The following CTPS1 variants were observed in gnomAD, a reference collection of about 807,000 sequenced individuals.
CTPS1 encodes the protein CTP synthase 1, also known as CTP synthetase 1.
Under a neutral mutation model 80.5 loss-of-function variants are expected in CTPS1, and 25 were observed. The observed-to-expected ratio is 0.31, with a 90% CI of 0.23 to 0.43. The LOEUF (loss-of-function observed/expected upper bound fraction) is 0.43. CTPS1 is among the 20% of genes least tolerant of loss of function. The probability of loss-of-function intolerance (pLI) is 1.00; values close to 1 mark genes in which losing one functional copy is unlikely to be tolerated. For synonymous variants in CTPS1, 267 were observed against 252.5 expected (o/e 1.06, Z -0.54); for missense variants, 442 against 725.7 (o/e 0.61, Z 4.49).
chr1:41,003,440 C>T (rs563141734), intron 12 of CTPS1, among the ~76,000 whole-genome samples: 41 of 152,152 alleles, frequency 2.7e-4, no homozygotes, highest in Non-Finnish European at 3.8e-4. Context: ...CTTTGATCAC[C>T]GTGGCCACCA....
At chr1:40,981,909 G>A in intron 1 of CTPS1, 1 of 1,144,102 alleles carries the variant, frequency 8.7e-7, no homozygotes, top group African/African-American at 1.6e-5. Context: ...CAACTCCTTA[G>A]TTTTCTTGTT....
intron 9 of CTPS1, 59 bp downstream of exon 9, chr1:40,997,585 G>C (rs376533615): frequency 6.4e-7 from 1 of 1,571,288 alleles, no homozygotes; most frequent in Non-Finnish European, 8.6e-7. Context: ...CTGTAGTCTC[G>C]TAGGTGCTGT....
At chr1:40,981,423 G>A (rs1651892141) in intron 1 of CTPS1, among the ~76,000 whole-genome samples, 2 of 152,208 alleles carry the variant, frequency 1.3e-5, no homozygotes, top group South Asian at 4.1e-4. Context: ...ATCTTTTGTA[G>A]AAGTAACTCA....
At chr1:40,991,331 C>T (rs554721789) in intron 6 of CTPS1, 83 bp downstream of exon 6, 2 of 1,088,716 alleles carry the variant, frequency 1.8e-6, no homozygotes, top group African/African-American at 3.2e-5. Flanking sequence ...AGACCTTTGT[C>T]TTGTTGGGTT....
At position 41,012,503 on chromosome 1, in the gene CTPS1, A is replaced by G. The variant is rs1464807493; in HGVS notation, c.*855A>G. The G allele has an allele frequency of 6.6e-6, 1 of 152,220 alleles. No individual in the cohort carries two copies. Among genetic ancestry groups the G allele is most frequent in the Non-Finnish European group, 1.5e-5 (1 of 68,034 alleles). 9.4% of individuals were successfully genotyped at this position (152,220 alleles called of 1,614,324 possible). Reference sequence around the variant, plus strand: ...AATAGGCATAGCTACGTGGCACTATATTCTGGCCAGACTCGATGTGTACTC... The same window carrying G: ...AATAGGCATAGCTACGTGGCACTATGTTCTGGCCAGACTCGATGTGTACTC... On this transcript the variant is annotated 3_prime_UTR_variant, in exon 19 of 19. Coordinates refer to ENST00000650070, the MANE Select transcript of CTPS1 (RefSeq NM_001905.4).
At chr1:41,000,846 TAAAAAATGTTTAAGTTATTA>T (rs1365785890) in intron 9 of CTPS1, 163 bp from the exon 10 acceptor site, 3 of 333,196 alleles carry the variant, frequency 9.0e-6, no homozygotes, top group African/African-American at 6.5e-5. Flanking sequence ...ACCTCATATT[TAAAAAATGTTTAAGTTATTA>T]AATATATTAA....
intron 7 of CTPS1, among the ~76,000 whole-genome samples, chr1:40,992,885 G>C (rs899430332): frequency 2.0e-5 from 3 of 151,534 alleles, no homozygotes; most frequent in Middle Eastern, 6.8e-3. Flanking sequence ...GTAGAGATGG[G>C]GTTTCATTAT....
At chr1:40,982,785 G>T (rs373721759) in intron 1 of CTPS1, among the ~76,000 whole-genome samples, 1 of 152,194 alleles carries the variant, frequency 6.6e-6, no homozygotes. Flanking sequence ...GTAACCTAGA[G>T]GAGCTGTGTT....
At position 40,997,268 on chromosome 1, in the gene CTPS1, A is replaced by T. The variant is rs576536337; in HGVS notation, c.873-126A>T. The T allele has an allele frequency of 7.1e-5, 83 of 1,162,544 alleles. No individual in the cohort carries two copies. In the Middle Eastern group the frequency reaches 1.2e-3, roughly 17 times the overall value. The allele number at this position is 1,162,544 out of a possible 1,614,324, so 72.0% of individuals were successfully genotyped here. ...CTCAGCCTTTCAAAGTGCTGGGATT[A>T]TAGGATTATGGGCGTGAGCTCATCC... is the stretch of plus-strand genomic sequence containing the variant. On this transcript the variant is annotated intron_variant, in intron 8 of 18. Coordinates refer to ENST00000650070, the MANE Select transcript of CTPS1 (RefSeq NM_001905.4).
chr1:41,008,531 C>A, intron 14 of CTPS1, 128 bp from the exon 15 acceptor site: 1 of 927,646 alleles, frequency 1.1e-6, no homozygotes, highest in Non-Finnish European at 1.7e-6. Flanking sequence ...TTAGCAGATT[C>A]ATAGAAATAG....
At chr1:40,989,356 G>A (rs1642542932) in intron 5 of CTPS1, among the ~76,000 whole-genome samples, 3 of 152,314 alleles carry the variant, frequency 2.0e-5, no homozygotes, top group Non-Finnish European at 2.9e-5. Flanking sequence ...CAAACATGGG[G>A]TTATGTGTAA....
At chr1:41,005,560 T>C (rs1643012865) in intron 12 of CTPS1, among the ~76,000 whole-genome samples, 1 of 152,216 alleles carries the variant, frequency 6.6e-6, no homozygotes, top group Admixed American at 6.5e-5. Context: ...CAGAGAGTTA[T>C]ACTTAACGTA....
chr1:40,986,194 T>G lies in CTPS1; in HGVS notation c.338-1178T>G, dbSNP rs532289039. Among the ~76,000 whole-genome samples, 3 of 151,558 alleles carry G rather than the reference T, an allele frequency of 2.0e-5. No individual in the cohort carries two copies. In the South Asian group the frequency reaches 6.3e-4, roughly 32 times the overall value. On this transcript the variant is annotated intron_variant, in intron 3 of 18. Transcript: ENST00000650070. Reference sequence around the variant, plus strand: ...GAAGCTGTGAAGAAACCAAGTGGAGTGAGGACAGAGTGACTGGGGAAAGCC... The same window carrying G: ...GAAGCTGTGAAGAAACCAAGTGGAGGGAGGACAGAGTGACTGGGGAAAGCC...
intron 5 of CTPS1, 33 bp downstream of exon 5, chr1:40,988,743 G>C (rs754192380): frequency 3.2e-5 from 46 of 1,421,676 alleles, no homozygotes; most frequent in Admixed American, 1.7e-5. Context: ...TACTTTGGGG[G>C]AGATGGAGAG....
At chr1:41,000,898 A>G (rs535344036) in intron 9 of CTPS1, 131 bp from the exon 10 acceptor site, 16 of 526,810 alleles carry the variant, frequency 3.0e-5, no homozygotes, top group Admixed American at 1.5e-4. Context: ...TAAAGCCAGT[A>G]TTAAGATGAT....
intron 7 of CTPS1, among the ~76,000 whole-genome samples, chr1:40,992,379 T>C (rs1317103385): frequency 6.6e-6 from 1 of 152,154 alleles, no homozygotes; most frequent in Non-Finnish European, 1.5e-5. Flanking sequence ...GGTGTGTATC[T>C]CCCTTCACAG....
chr1:40,988,646 GT>G lies in CTPS1; in HGVS notation c.492del (p.Gln165SerfsTer18). ...IESMPFIEAF[R>X]QFQFKVKREN... ...AGCATGCCCTTTATTGAGGCCTTCC[GT>G]CAGTTCCAATTCAAGGTCAAAAGAG... On this transcript the variant is annotated frameshift_variant, in exon 5 of 19. Transcript: ENST00000650070. LOFTEE classifies it high-confidence loss of function. 1 of 1,614,130 alleles carries G rather than the reference GT, an allele frequency of 6.2e-7. No homozygotes were observed.
At position 40,991,240 on chromosome 1, in the gene CTPS1, C is replaced by A; in HGVS notation, c.631C>A (p.Pro211Thr). ...GGAACTTAGAGGACTTGGGCTTTCC[C>A]CAGATCTGGTAAGATTTCCTGATAG... ...VRELRGLGLS[P>T]DLVVCRCSNP... The change falls in exon 6 of 19, where the codon CCA becomes ACA. Residue 211 changes from proline (P) to threonine (T), a missense_variant. This residue lies in a region of CTPS1 where 321 missense variants were observed against 467.2 expected (regional missense o/e 0.69). Coordinates refer to ENST00000650070, the MANE Select transcript of CTPS1 (RefSeq NM_001905.4). The A allele has an allele frequency of 6.3e-7, 1 of 1,586,702 alleles. No homozygotes were observed. Among genetic ancestry groups the A allele is most frequent in the Non-Finnish European group, 8.5e-7 (1 of 1,172,600 alleles).
chr1:40,982,265 G>A lies in CTPS1; in HGVS notation c.-13-1013G>A, dbSNP rs1004188386. ...TCCCCTCTCTTTGAGTCCTCTGCCC[G>A]TCATGTGCTTCAGACTGGTTTCTTA... On this transcript the variant is annotated intron_variant, in intron 1 of 18. Transcript: ENST00000650070. 6.6e-5 allele frequency among the ~76,000 whole-genome samples: 10 copies of A among 152,176 alleles called. No homozygotes were observed. In the East Asian group the frequency reaches 7.7e-4, roughly 12 times the overall value.
Sources: gnomAD v4.1 joint callset for allele counts (sites outside exome capture counted in the v4.1 genomes callset) on GRCh38, gnomAD v4.1.1 for gene constraint, gnomAD v4.1.1 regional missense constraint, MANE v1.5 for transcripts, NCBI Gene and HGNC (gene_info 2026-07-23, HGNC 2026-07-21) for gene names.